The following FAM114A1 variants were observed in gnomAD, a reference collection of about 807,000 sequenced individuals.
The protein encoded by FAM114A1 is family with sequence similarity 114 member A1.
FAM114A1 carries 62 observed loss-of-function variants against 64.3 expected under a neutral mutation model. That is an observed-to-expected ratio of 0.96 (90% CI 0.79 to 1.19). FAM114A1 has a LOEUF of 1.19. Ranked by LOEUF, FAM114A1 falls within the 50% of genes most tolerant of loss-of-function variation. FAM114A1 has a pLI of 0.00. For synonymous variants in FAM114A1, 254 were observed against 251.1 expected, an observed-to-expected ratio of 1.01 and a Z score of -0.11; for missense variants, 645 against 676.3, an observed-to-expected ratio of 0.95 and a Z score of 0.51.
At chr4:38,877,193 G>A (rs945937502) in intron 2 of FAM114A1, among the ~76,000 whole-genome samples, 1 of 152,156 alleles carries the variant, frequency 6.6e-6, no homozygotes, top group African/African-American at 2.4e-5. Context: ...GCAGAAAGGG[G>A]TGCGGGGGAG....
intron 3 of FAM114A1, among the ~76,000 whole-genome samples, chr4:38,886,172 CTTTT>C (rs36090599): frequency 1.5e-5 from 2 of 137,400 alleles, no homozygotes. Context: ...AGATAAGCAC[CTTTT>C]TTTTTTTTTT....
At chr4:38,927,231 C>T (rs1266026626) in intron 9 of FAM114A1, among the ~76,000 whole-genome samples, 1 of 152,256 alleles carries the variant, frequency 6.6e-6, no homozygotes, top group African/African-American at 2.4e-5. Flanking sequence ...TTAGTCCCTT[C>T]AGGCTGCTAT....
intron 2 of FAM114A1, among the ~76,000 whole-genome samples, chr4:38,871,086 C>CTTTTTTTTTTTT (rs9306968): frequency 2.1e-4 from 20 of 93,964 alleles, no homozygotes; most frequent in East Asian, 6.2e-4. Context: ...TTTTTTCTTT[C>CTTTTTTTTTTTT]TTTTTTTTTT....
intron 7 of FAM114A1, among the ~76,000 whole-genome samples, chr4:38,912,100 A>T (rs1718611137): frequency 6.6e-6 from 1 of 151,488 alleles, no homozygotes; most frequent in African/African-American, 2.4e-5. Context: ...ACCTCAAGTG[A>T]TCCACCCTAT....
At position 38,914,985 on chromosome 4, in the gene FAM114A1, C is replaced by T. The variant is rs1216540991; in HGVS notation, c.857C>T (p.Thr286Ile). The T allele has an allele frequency of 6.2e-7, 1 of 1,614,158 alleles. No individual in the cohort carries two copies. Among genetic ancestry groups the T allele is most frequent in the South Asian group, 1.1e-5 (1 of 91,088 alleles). ...RLAQQLTMER[T>I]AHYGMLFDEY... ...GCACAGCAGCTCACGATGGAGAGAA[C>T]CGCGCACTACGGGATGCTGTTTGAT... is the stretch of plus-strand genomic sequence containing the variant. Residue 286 changes from threonine to isoleucine, a missense_variant, in exon 8 of 15, where the codon ACC becomes ATC. Physicochemically the swap from Thr to Ile is moderately conservative, Grantham distance 89 (BLOSUM62 -1). Transcript: ENST00000358869.
Position 38,918,015 on chromosome 4 carries a change from G to A in FAM114A1, c.945+2942G>A, listed in dbSNP as rs190682029. On this transcript the variant is annotated intron_variant, in intron 8 of 14. Transcript: ENST00000358869. ...GCGGATCACCTGAGGTCAGGAGTTCGAGATCAGCCTGACCAACATGATGAA... is the reference window on the plus strand; with the variant it reads ...GCGGATCACCTGAGGTCAGGAGTTCAAGATCAGCCTGACCAACATGATGAA... 6.5e-4 allele frequency among the ~76,000 whole-genome samples: 99 copies of A among 151,754 alleles called. No individual in the cohort carries two copies. The Middle Eastern group carries it at 0.048, about 73-fold the overall frequency.
chr4:38,931,451 G>A lies in FAM114A1; in HGVS notation c.1162G>A (p.Ala388Thr), dbSNP rs1430041485. The change falls in exon 11 of 15, where the codon GCC becomes ACC. Residue 388 changes from alanine to threonine, a missense_variant and splice_region_variant. By Grantham distance (58) the Ala-to-Thr change is moderately conservative. Transcript: ENST00000358869. ...ATTGTTTGGTTGGGGACCTCTGCAG[G>A]CCATGAAGAGGGCTCATGACTGGGT... is the stretch of plus-strand genomic sequence containing the variant. ...VAATPDKLNK[A>T]MKRAHDWVEE... The A allele has an allele frequency of 2.0e-5, 32 of 1,607,856 alleles. No individual in the cohort carries two copies. Among genetic ancestry groups the A allele is most frequent in the Non-Finnish European group, 2.4e-5 (28 of 1,178,342 alleles).
At chr4:38,879,669 G>A (rs754173255) in intron 3 of FAM114A1, among the ~76,000 whole-genome samples, 4 of 152,178 alleles carry the variant, frequency 2.6e-5, no homozygotes, top group Non-Finnish European at 5.9e-5. Flanking sequence ...TTGTAGGGAT[G>A]TTATGGAAGC....
At chr4:38,880,046 ATG>A (rs1461798993) in intron 3 of FAM114A1, among the ~76,000 whole-genome samples, 1 of 151,928 alleles carries the variant, frequency 6.6e-6, no homozygotes, top group Non-Finnish European at 1.5e-5. Context: ...AGCCTGGGCA[ATG>A]ACAGTGAAAC....
At chr4:38,924,276 A>G (rs1719903108) in intron 9 of FAM114A1, among the ~76,000 whole-genome samples, 1 of 152,216 alleles carries the variant, frequency 6.6e-6, no homozygotes, top group Admixed American at 6.5e-5. Context: ...AGCTGTGCTT[A>G]TTACTTAAAG....
In FAM114A1 at chr4:38,940,047, C is replaced by G. The variant is rs146125226; in HGVS notation, c.1537-921C>G. 4.8e-3 allele frequency among the ~76,000 whole-genome samples: 726 copies of G among 152,126 alleles called. 2 individuals carry two copies. Among genetic ancestry groups the G allele is most frequent in the South Asian group, 0.015 (73 of 4,816 alleles). ...GGGATTACAGGCACCTACCACCATGCCCAGCTAATTTTTTTGTATTTTTAG... is the reference window on the plus strand; with the variant it reads ...GGGATTACAGGCACCTACCACCATGGCCAGCTAATTTTTTTGTATTTTTAG... On this transcript the variant is annotated intron_variant, in intron 13 of 14. Transcript: ENST00000358869.
At chr4:38,882,928 C>G (rs982022906) in intron 3 of FAM114A1, among the ~76,000 whole-genome samples, 2 of 152,204 alleles carry the variant, frequency 1.3e-5, no homozygotes, top group Non-Finnish European at 2.9e-5. Flanking sequence ...TGGCTGGCAC[C>G]TCTGTTTTTA....
chr4:38,922,124 T>C (rs1251695699), intron 8 of FAM114A1, among the ~76,000 whole-genome samples: 2 of 152,128 alleles, frequency 1.3e-5, no homozygotes, highest in African/African-American at 4.8e-5. Flanking sequence ...GTATTTGTAA[T>C]AGAGACGGGG....
intron 2 of FAM114A1, among the ~76,000 whole-genome samples, chr4:38,869,945 T>C (rs1713863605): frequency 6.6e-6 from 1 of 152,194 alleles, no homozygotes; most frequent in African/African-American, 2.4e-5. Flanking sequence ...CTTGCAATCT[T>C]GTCCTCATTT....
intron 4 of FAM114A1, among the ~76,000 whole-genome samples, chr4:38,892,214 T>C (rs1716482540): frequency 6.6e-6 from 1 of 152,210 alleles, no homozygotes; most frequent in Admixed American, 6.5e-5. Context: ...ATTTTTTTAG[T>C]GCACAACGCA....
intron 2 of FAM114A1, among the ~76,000 whole-genome samples, chr4:38,873,469 T>G (rs1315647681): frequency 6.6e-6 from 1 of 152,200 alleles, no homozygotes; most frequent in Non-Finnish European, 1.5e-5. Context: ...CTATGTAGAA[T>G]ATGAATACAA....
In FAM114A1 at chr4:38,943,764, G is replaced by T. The variant is rs11555337; in HGVS notation, c.*207G>T. The stretch of plus-strand genomic sequence containing the variant: ...TATAATTGTTTTTACAAACAATTGT[G>T]TTTTCTTTATGTTAATTTAAACTTA... On this transcript the variant is annotated 3_prime_UTR_variant, in exon 15 of 15. Coordinates refer to ENST00000358869, the MANE Select transcript of FAM114A1 (RefSeq NM_138389.4). 1 of 418,150 alleles carries T rather than the reference G, an allele frequency of 2.4e-6. No individual in the cohort carries two copies. Among genetic ancestry groups the T allele is most frequent in the Non-Finnish European group, 4.4e-6 (1 of 229,686 alleles). The allele number at this position is 418,150 out of a possible 1,614,324, so 25.9% of individuals were successfully genotyped here.
At chr4:38,931,140 T>C (rs1411728116) in intron 10 of FAM114A1, among the ~76,000 whole-genome samples, 1 of 152,198 alleles carries the variant, frequency 6.6e-6, no homozygotes, top group Non-Finnish European at 1.5e-5. Flanking sequence ...AAATATACCA[T>C]AGATTTTTCA....
At chr4:38,878,517 T>C (rs1714900611) in intron 3 of FAM114A1, 91 bp downstream of exon 3, 1 of 1,127,616 alleles carries the variant, frequency 8.9e-7, no homozygotes, top group Non-Finnish European at 1.3e-6. Context: ...GGGTGGGAAT[T>C]GGGAGTTCAA....
Sources: allele counts gnomAD v4.1 joint callset (sites outside exome capture counted in the v4.1 genomes callset), GRCh38; gene constraint gnomAD v4.1.1; transcripts MANE v1.5; gene names NCBI Gene and HGNC (gene_info 2026-07-23, HGNC 2026-07-21).